Variants in FMO5 observed in about 807,000 individuals in gnomAD.
FMO5 encodes the protein flavin-containing monooxygenase 5.
Under a neutral mutation model 43.6 loss-of-function variants are expected in FMO5, and 51 were observed. The ratio of observed to expected loss-of-function variants is 1.17; its 90% confidence interval spans 0.93 to 1.48. FMO5 has a LOEUF of 1.48. Ranked by LOEUF, FMO5 falls within the 40% of genes most tolerant of loss-of-function variation. The pLI is 0.00. For missense variants in FMO5, 644 were observed against 643.0 expected (o/e 1.00, Z -0.02); for synonymous variants, 187 against 216.5 (o/e 0.86, Z 1.20).
chr1:147,212,445 A>G lies in FMO5; in HGVS notation c.578T>C (p.Ile193Thr), dbSNP rs782092443. ...FTGKRVIIIG[I>T]GNSGGDLAVE... ...AGCCAGATCCCCTCCAGAATTCCCA[A>G]TGCCAATTATAATGACTCTCTTTCC... The change falls in exon 5 of 9, where the codon ATT becomes ACT. Residue 193 changes from isoleucine (I) to threonine (T), a missense_variant. Transcript: ENST00000254090. 10 of 1,613,910 alleles carry G rather than the reference A, an allele frequency of 6.2e-6. No homozygotes were observed. In the African/African-American group the frequency reaches 8.0e-5, roughly 13 times the overall value.
chr1:147,195,942 T>C (rs1657920147), intron 7 of FMO5, among the ~76,000 whole-genome samples: 1 of 152,140 alleles, frequency 6.6e-6, no homozygotes, highest in African/African-American at 2.4e-5. Context: ...TGGAACATTA[T>C]TGTTTTTATT....
intron 7 of FMO5, among the ~76,000 whole-genome samples, chr1:147,199,342 ACAGAATAAAAAACC>A (rs1257723121): frequency 1.3e-5 from 2 of 152,170 alleles, no homozygotes; most frequent in African/African-American, 4.8e-5. Flanking sequence ...TTGGCCATGG[ACAGAATAAAAAACC>A]CAGAGTTCCT....
At chr1:147,210,376 T>C (rs1399635287) in intron 5 of FMO5, 1 of 152,242 alleles carries the variant, frequency 6.6e-6, no homozygotes, top group Non-Finnish European at 1.5e-5. Context: ...GAATCACTTT[T>C]CCTACACTAT....
intron 6 of FMO5, chr1:147,203,216 G>A (rs1231867189): frequency 2.0e-5 from 18 of 908,522 alleles, no homozygotes; most frequent in African/African-American, 1.2e-4. Context: ...AACATCACGC[G>A]ATTCTTAGAA....
chr1:147,213,410 C>A lies in FMO5; in HGVS notation c.385G>T (p.Val129Phe). The A allele has an allele frequency of 6.2e-7, 1 of 1,613,630 alleles. No individual in the cohort carries two copies. ...DFATSGQWEV[V>F]TESEGKKEMN... is the part of the protein sequence containing the mutation. Reference sequence around the variant, plus strand: ...TCCTTTTTCCCTTCAGATTCAGTGACCACTTCCCATTGGCCTGAAGTGGCA... The same window carrying A: ...TCCTTTTTCCCTTCAGATTCAGTGAACACTTCCCATTGGCCTGAAGTGGCA... The change falls in exon 4 of 9, where the codon GTC (valine) becomes TTC (phenylalanine). Residue 129 changes from valine to phenylalanine, a missense_variant. Coordinates refer to ENST00000254090, the MANE Select transcript of FMO5 (RefSeq NM_001461.4).
intron 7 of FMO5, among the ~76,000 whole-genome samples, chr1:147,195,248 T>G (rs1553919544): frequency 6.6e-6 from 1 of 152,158 alleles, no homozygotes; most frequent in Non-Finnish European, 1.5e-5. Flanking sequence ...CTCACTTCAT[T>G]TCATTCCTTT....
At chr1:147,209,231 A>G (rs1279510531) in intron 5 of FMO5, among the ~76,000 whole-genome samples, 180 bp from the exon 6 acceptor site, 1 of 152,070 alleles carries the variant, frequency 6.6e-6, no homozygotes, top group African/African-American at 2.4e-5. Context: ...CATCCTGGCT[A>G]ACACAGTGAA....
At chr1:147,193,781 G>A (rs1553919090) in intron 7 of FMO5, among the ~76,000 whole-genome samples, 2 of 152,136 alleles carry the variant, frequency 1.3e-5, no homozygotes, top group Admixed American at 1.3e-4. Context: ...AGTCATTCAG[G>A]AGCAGGTTGT....
At chr1:147,202,322 T>C (rs1159128845) in intron 6 of FMO5, among the ~76,000 whole-genome samples, 1 of 18,414 alleles carries the variant, frequency 5.4e-5, no homozygotes, top group Non-Finnish European at 9.2e-5. Context: ...CTTTTTTTTT[T>C]TTTTTTTTTT....
downstream of FMO5, chr1:147,184,541 T>C (rs1655456337): frequency 6.5e-7 from 1 of 1,548,686 alleles, no homozygotes; most frequent in Non-Finnish European, 8.7e-7. This position sits in a 1 kb window ranked among gnomAD's most constrained non-coding sequence, Gnocchi z 4.4. Context: ...CAGACTTTCT[T>C]TGTTGATGAT....
chr1:147,213,420 T>C lies in FMO5; in HGVS notation c.375A>G (p.Gln125=), dbSNP rs1553924232. 1 of 1,613,348 alleles carries C rather than the reference T, an allele frequency of 6.2e-7. No individual in the cohort carries two copies. The highest frequency in any genetic ancestry group is 1.7e-5 in the Admixed American group (1 of 59,946). ...KKQPDFATSG[Q]WEVVTESEGK... ...CTTCAGATTCAGTGACCACTTCCCATTGGCCTGAAGTGGCAAAATCAGGCT... is the reference window on the plus strand; with the variant it reads ...CTTCAGATTCAGTGACCACTTCCCACTGGCCTGAAGTGGCAAAATCAGGCT... Residue 125 remains glutamine, a synonymous_variant, in exon 4 of 9, where the codon CAA becomes CAG. Coordinates refer to ENST00000254090, the MANE Select transcript of FMO5 (RefSeq NM_001461.4).
chr1:147,220,847 A>G (rs1662875525), intron 2 of FMO5, among the ~76,000 whole-genome samples: 1 of 152,134 alleles, frequency 6.6e-6, no homozygotes, highest in African/African-American at 2.4e-5. Context: ...GAAAAATAGA[A>G]AAGTGGAACA....
chr1:147,211,445 T>G (rs1206749580), intron 5 of FMO5: 1 of 152,088 alleles, frequency 6.6e-6, no homozygotes, highest in Non-Finnish European at 1.5e-5. Context: ...ATGAAATAAT[T>G]TTTGTGGTTA....
intron 6 of FMO5, among the ~76,000 whole-genome samples, chr1:147,206,746 C>G (rs1348193652): frequency 6.6e-6 from 1 of 152,006 alleles, no homozygotes; most frequent in Non-Finnish European, 1.5e-5. Flanking sequence ...GGGAACATCA[C>G]ACACCAGGGC....
At position 147,187,261 on chromosome 1, in the gene FMO5, C is replaced by A; in HGVS notation, c.1257-16G>T. ...CTCCACATACCTAAAGTAGAAAAGACAGAAACCATGGCCTGTCAATAATTC... is the reference window on the plus strand; with the variant it reads ...CTCCACATACCTAAAGTAGAAAAGAAAGAAACCATGGCCTGTCAATAATTC... On this transcript the variant is annotated splice_polypyrimidine_tract_variant and intron_variant, in intron 8 of 8. Transcript: ENST00000254090. The A allele has an allele frequency of 6.4e-7, 1 of 1,553,534 alleles. No individual in the cohort carries two copies. The highest frequency in any genetic ancestry group is 1.2e-5 in the South Asian group (1 of 81,962).
chr1:147,212,377 A>G lies in FMO5; in HGVS notation c.630+16T>C. 6.2e-7 allele frequency: 1 copy of G among 1,613,560 alleles called. No homozygotes were observed. Among genetic ancestry groups the G allele is most frequent in the Non-Finnish European group, 8.5e-7 (1 of 1,179,680 alleles). On this transcript the variant is annotated intron_variant, in intron 5 of 8. Coordinates refer to ENST00000254090, the MANE Select transcript of FMO5 (RefSeq NM_001461.4). ...CTAGAGTTAAGCAACGTAAATAATAATTGAGTGATTCAAACCTGCTTGGCT... is the reference window on the plus strand; with the variant it reads ...CTAGAGTTAAGCAACGTAAATAATAGTTGAGTGATTCAAACCTGCTTGGCT...
chr1:147,204,702 T>C (rs1659652018), intron 6 of FMO5: 3 of 1,541,428 alleles, frequency 1.9e-6, no homozygotes, highest in East Asian at 4.5e-5. Flanking sequence ...GATGCTGTAC[T>C]TCTAGTTCTC....
chr1:147,195,700 G>C (rs920427362), intron 7 of FMO5, among the ~76,000 whole-genome samples: 10 of 152,076 alleles, frequency 6.6e-5, no homozygotes, highest in Non-Finnish European at 1.0e-4. Context: ...CCTATAACTA[G>C]GGACTATGCC....
chr1:147,201,581 G>T, intron 6 of FMO5, 77 bp from the exon 7 acceptor site: 1 of 1,131,214 alleles, frequency 8.8e-7, no homozygotes, highest in Non-Finnish European at 1.3e-6. Context: ...ATTTTGCTTT[G>T]GTGGAGGTAA....
Sources: allele counts gnomAD v4.1 joint callset (sites outside exome capture counted in the v4.1 genomes callset), GRCh38; gene constraint gnomAD v4.1.1; non-coding constraint Gnocchi (gnomAD v3.1); transcripts MANE v1.5; gene names NCBI Gene and HGNC (gene_info 2026-07-23, HGNC 2026-07-21).